The following MTOR variants were observed in gnomAD, a reference collection of about 807,000 sequenced individuals.
MTOR encodes serine/threonine-protein kinase mTOR.
MTOR carries 70 observed loss-of-function variants against 319.8 expected under a neutral mutation model. That is an observed-to-expected ratio of 0.22 (90% CI 0.18 to 0.27). MTOR has a LOEUF of 0.27. MTOR is among the 10% of genes least tolerant of loss of function. The pLI is 1.00. For missense variants in MTOR, 1,890 were observed against 3,274.4 expected, an observed-to-expected ratio of 0.58 and a Z score of 10.32; for synonymous variants, 1,183 against 1,211.4, an observed-to-expected ratio of 0.98 and a Z score of 0.49.
intron 1 of MTOR, 71 bp from the exon 2 acceptor site, chr1:11,259,494 C>A: frequency 6.8e-7 from 1 of 1,470,534 alleles, no homozygotes; most frequent in South Asian, 1.4e-5. Context: ...TGGCCCTGGT[C>A]ACCCAACACA....
intron 19 of MTOR, among the ~76,000 whole-genome samples, chr1:11,219,874 A>G (rs948012048): frequency 2.0e-5 from 3 of 151,860 alleles, no homozygotes; most frequent in Non-Finnish European, 4.4e-5. Flanking sequence ...AAATGCAAAA[A>G]ACAAAAAAAA....
chr1:11,234,367 G>C (rs1647125482), intron 13 of MTOR, 102 bp from the exon 14 acceptor site: 1 of 1,338,330 alleles, frequency 7.5e-7, no homozygotes, highest in Non-Finnish European at 1.0e-6. Context: ...GAAAAACCCA[G>C]ACCTCCACGA....
intron 38 of MTOR, chr1:11,131,798 T>C (rs1643174845): frequency 6.6e-6 from 1 of 152,258 alleles, no homozygotes; most frequent in Non-Finnish European, 1.5e-5. Context: ...GACCCATTAA[T>C]AGCTGAACTT....
intron 28 of MTOR, among the ~76,000 whole-genome samples, chr1:11,194,231 G>A (rs1243223785): frequency 6.6e-6 from 1 of 152,214 alleles, no homozygotes; most frequent in Non-Finnish European, 1.5e-5. Context: ...GAGGAATATA[G>A]AAAGAGAGAC....
intron 29 of MTOR, among the ~76,000 whole-genome samples, chr1:11,159,987 T>C (rs968779918): frequency 1.3e-5 from 2 of 152,144 alleles, no homozygotes; most frequent in Admixed American, 1.3e-4. Flanking sequence ...ACATTTTAAA[T>C]ATTGGTAGGC....
Position 11,127,032 on chromosome 1 carries a change from C to T in MTOR, c.6329G>A (p.Arg2110Gln), listed in dbSNP as rs1182513423. 1.9e-6 allele frequency: 3 copies of T among 1,614,010 alleles called. No individual in the cohort carries two copies. The highest frequency in any genetic ancestry group is 2.5e-6 in the Non-Finnish European group (3 of 1,180,028). ...AWDLYYHVFR[R>Q]ISKQLPQLTS... ...TACCTGAGGCAGCTGCTTTGAGATT[C>T]GTCGGAACACATGATAATAGAGGTC... The change falls in exon 45 of 58, where the codon CGA becomes CAA. Residue 2110 changes from arginine to glutamine, a missense_variant. Arg to Gln is a conservative substitution (Grantham distance 43). Around this residue, in one of 15 missense-constraint regions of MTOR, gnomAD observed 249 missense variants for 596.2 expected, o/e 0.42. Coordinates refer to ENST00000361445, the MANE Select transcript of MTOR (RefSeq NM_004958.4). The surrounding 1 kb of genome is among the most constrained non-coding windows in gnomAD (Gnocchi z 5.5).
chr1:11,108,216 T>G lies in MTOR; in HGVS notation c.7599A>C (p.Thr2533=), dbSNP rs748151285. The change falls in exon 57 of 58, where the codon ACA becomes ACC. Residue 2533 remains threonine, a synonymous_variant. Coordinates refer to ENST00000361445, the MANE Select transcript of MTOR (RefSeq NM_004958.4). ...TQVELLIKQA[T]SHENLCQCYI... The stretch of plus-strand genomic sequence containing the variant: ...AGCACTGGCAGAGGTTTTCATGGGA[T>G]GTCGCTTGTTTGATGAGCAGCTCAA... The G allele has an allele frequency of 1.9e-6, 3 of 1,613,918 alleles. No individual in the cohort carries two copies. In the South Asian group the frequency reaches 3.3e-5, roughly 18 times the overall value.
intron 18 of MTOR, among the ~76,000 whole-genome samples, chr1:11,230,620 T>C (rs1029128201): frequency 6.6e-6 from 1 of 152,138 alleles, no homozygotes; most frequent in Admixed American, 6.6e-5. Context: ...TAAGAAAGAA[T>C]GAGAGATAGA....
In MTOR at chr1:11,241,589, T is replaced by C. The variant is rs1648039202; in HGVS notation, c.1505A>G (p.Lys502Arg). 6.2e-7 allele frequency: 1 copy of C among 1,614,008 alleles called. No individual in the cohort carries two copies. The highest frequency in any genetic ancestry group is 1.1e-5 in the South Asian group (1 of 91,076). Reference sequence around the variant, plus strand: ...TGCCAGCATGGGCTCCAGCAGCTCCTTGATATCCTGCTGGATGCCTGGCCC... The same window carrying C: ...TGCCAGCATGGGCTCCAGCAGCTCCCTGATATCCTGCTGGATGCCTGGCCC... The part of the protein sequence containing the change: ...AMGPGIQQDI[K>R]ELLEPMLAVG... The change falls in exon 10 of 58, where the codon AAG becomes AGG. Residue 502 changes from lysine (K) to arginine (R), a missense_variant. Physicochemically the swap from Lys to Arg is conservative, Grantham distance 26. Around this residue, in one of 15 missense-constraint regions of MTOR, gnomAD observed 418 missense variants for 543.1 expected, o/e 0.77. Coordinates refer to ENST00000361445, the MANE Select transcript of MTOR (RefSeq NM_004958.4).
intron 29 of MTOR, among the ~76,000 whole-genome samples, chr1:11,160,819 C>T (rs373564523): frequency 3.2e-4 from 48 of 152,234 alleles, no homozygotes; most frequent in Middle Eastern, 3.4e-3. Context: ...TCCAAGATGG[C>T]CGAATAGGAA....
At chr1:11,255,934 A>G in intron 5 of MTOR, 58 bp downstream of exon 5, 2 of 1,533,442 alleles carry the variant, frequency 1.3e-6, no homozygotes, top group Admixed American at 1.8e-5. Flanking sequence ...CCTTTAGGCC[A>G]GGTGATTCTC....
intron 39 of MTOR, 62 bp downstream of exon 39, chr1:11,130,467 T>C (rs945543342): frequency 1.3e-6 from 2 of 1,576,464 alleles, no homozygotes; most frequent in Non-Finnish European, 1.7e-6. Flanking sequence ...TTAACAACGA[T>C]TCCATTTCTC....
intron 25 of MTOR, among the ~76,000 whole-genome samples, chr1:11,208,769 A>G (rs560324301): frequency 6.6e-6 from 1 of 152,340 alleles, no homozygotes; most frequent in African/African-American, 2.4e-5. Flanking sequence ...GCCAGCAGAG[A>G]TAATTCAGTA....
intron 34 of MTOR, among the ~76,000 whole-genome samples, chr1:11,142,249 T>C (rs1643748272): frequency 1.3e-5 from 2 of 151,792 alleles, no homozygotes; most frequent in Admixed American, 1.3e-4. Context: ...GCATGGTGGC[T>C]CATGCCTGTA....
chr1:11,240,546 G>A lies in MTOR; in HGVS notation c.1543C>T (p.Pro515Ser). ...TCGTAGAGCACTGCAGTGAGGGCAG[G>A]GCTGAGGGGAAGGAAACAAGTCACA... The part of the protein sequence containing the change: ...LEPMLAVGLS[P>S]ALTAVLYDLS... Residue 515 changes from proline (P) to serine (S), a missense_variant and splice_region_variant, in exon 11 of 58, where the codon CCT (proline) becomes TCT (serine). This residue lies in a region of MTOR where 418 missense variants were observed against 543.1 expected (regional missense o/e 0.77). Coordinates refer to ENST00000361445, the MANE Select transcript of MTOR (RefSeq NM_004958.4). 6.2e-7 allele frequency: 1 copy of A among 1,613,688 alleles called. No homozygotes were observed.
chr1:11,163,030 C>G (rs1644527562), intron 29 of MTOR, among the ~76,000 whole-genome samples: 1 of 152,130 alleles, frequency 6.6e-6, no homozygotes, highest in Admixed American at 6.5e-5. Context: ...GTGCTGTATT[C>G]AGGAGACCCA....
intron 19 of MTOR, among the ~76,000 whole-genome samples, chr1:11,220,272 T>C (rs1459741876): frequency 6.6e-6 from 1 of 152,064 alleles, no homozygotes; most frequent in Non-Finnish European, 1.5e-5. Context: ...AGAAAAAATA[T>C]GTAAAAGGGA....
chr1:11,234,786 G>A (rs144028820), intron 13 of MTOR, among the ~76,000 whole-genome samples: 4 of 152,180 alleles, frequency 2.6e-5, no homozygotes, highest in African/African-American at 9.6e-5. Context: ...ACCTCAATAG[G>A]TGGGGATCAC....
At chr1:11,183,966 CAAAAT>C (rs1344116203) in intron 28 of MTOR, among the ~76,000 whole-genome samples, 1 of 152,150 alleles carries the variant, frequency 6.6e-6, no homozygotes, top group Non-Finnish European at 1.5e-5. Flanking sequence ...TATAAATACA[CAAAAT>C]TAAGTATCTC....
Sources: allele counts gnomAD v4.1 joint callset (sites outside exome capture counted in the v4.1 genomes callset), GRCh38; gene constraint gnomAD v4.1.1; regional missense constraint gnomAD v4.1.1; non-coding constraint Gnocchi (gnomAD v3.1); transcripts MANE v1.5; gene names NCBI Gene and HGNC (gene_info 2026-07-23, HGNC 2026-07-21).